The following MED27 variants were observed in gnomAD, a reference collection of about 807,000 sequenced individuals.
The protein encoded by MED27 is mediator of RNA polymerase II transcription subunit 27.
MED27 carries 30 observed loss-of-function variants against 38.2 expected under a neutral mutation model. The ratio of observed to expected loss-of-function variants is 0.79; its 90% CI spans 0.59 to 1.07. The LOEUF (loss-of-function observed/expected upper bound fraction) is 1.07, where lower values mean the gene tolerates loss of function less well. MED27 is among the 50% of genes least tolerant of loss of function. The pLI is 0.00. For synonymous variants in MED27, 122 were observed against 153.5 expected (o/e 0.79, Z 1.52); for missense variants, 289 against 397.5 (o/e 0.73, Z 2.32).
chr9:132,044,348 A>G (rs1833285193), intron 2 of MED27, among the ~76,000 whole-genome samples: 2 of 152,244 alleles, frequency 1.3e-5, no homozygotes, highest in South Asian at 4.1e-4. Flanking sequence ...GTGTTTGCTC[A>G]TTTATAAATG....
intron 2 of MED27, among the ~76,000 whole-genome samples, chr9:132,072,175 C>A (rs539786888): frequency 6.6e-6 from 1 of 152,180 alleles, no homozygotes; most frequent in Non-Finnish European, 1.5e-5. Context: ...TGTACTATCA[C>A]GATGCCTGGT....
intron 3 of MED27, among the ~76,000 whole-genome samples, chr9:131,965,819 C>T (rs896898266): frequency 3.3e-5 from 5 of 152,084 alleles, no homozygotes; most frequent in African/African-American, 1.2e-4. Context: ...AATGTTATTT[C>T]AAATTTTTGA....
At chr9:132,054,378 C>A (rs1833529847) in intron 2 of MED27, among the ~76,000 whole-genome samples, 1 of 152,236 alleles carries the variant, frequency 6.6e-6, no homozygotes, top group African/African-American at 2.4e-5. Flanking sequence ...CAGCAGATGT[C>A]CCGCCACGCT....
intron 4 of MED27, among the ~76,000 whole-genome samples, chr9:131,895,712 C>G (rs1454485909): frequency 1.3e-5 from 2 of 152,094 alleles, no homozygotes; most frequent in Admixed American, 6.5e-5. Context: ...ATTGTCACAC[C>G]ATGTAATGTT....
chr9:132,039,661 AGAGT>A (rs141288112), intron 2 of MED27, among the ~76,000 whole-genome samples: 2,359 of 152,282 alleles, frequency 0.015, 61 homozygotes, highest in African/African-American at 0.053. Flanking sequence ...ACTTCAAAGG[AGAGT>A]GAGTGAACAC....
chr9:132,012,385 G>A (rs1438487638), intron 3 of MED27, among the ~76,000 whole-genome samples: 1 of 152,170 alleles, frequency 6.6e-6, no homozygotes, highest in East Asian at 1.9e-4. Flanking sequence ...TCCCTGTAGT[G>A]ACCTTCTTTT....
chr9:131,871,272 G>A (rs537894768), intron 6 of MED27, among the ~76,000 whole-genome samples: 3 of 152,178 alleles, frequency 2.0e-5, no homozygotes, highest in Non-Finnish European at 2.9e-5. Flanking sequence ...ACAGGTTTAG[G>A]CCTAGCAAGA....
intron 2 of MED27, among the ~76,000 whole-genome samples, chr9:132,044,755 T>C (rs1425992931): frequency 3.3e-5 from 5 of 152,250 alleles, no homozygotes; most frequent in Non-Finnish European, 7.3e-5. Context: ...GCCAATCAAA[T>C]GAAGACACTC....
chr9:132,013,033 G>A (rs1200302627), intron 3 of MED27, among the ~76,000 whole-genome samples: 7 of 152,198 alleles, frequency 4.6e-5, no homozygotes, highest in Non-Finnish European at 4.4e-5. Context: ...AGGTACAAGG[G>A]GTGAGCAGGA....
chr9:131,917,456 A>G lies in MED27; in HGVS notation c.573+21925T>C, dbSNP rs1174546456. Among the ~76,000 whole-genome samples, 1 of 152,144 alleles carries G rather than the reference A, an allele frequency of 6.6e-6. No homozygotes were observed. The highest frequency in any genetic ancestry group is 1.9e-4 in the East Asian group (1 of 5,184). ...TCTGGAATGATGAGTCCAGTGTGGA[A>G]GATGAGGGGAGGCAGAGTGTTTCAA... On this transcript the variant is annotated intron_variant, in intron 4 of 7. Transcript: ENST00000292035. This position sits in a 1 kb window ranked among gnomAD's most constrained non-coding sequence, Gnocchi z 4.6.
intron 3 of MED27, among the ~76,000 whole-genome samples, chr9:131,959,821 G>T (rs548823275): frequency 1.2e-3 from 187 of 152,222 alleles, no homozygotes; most frequent in African/African-American, 4.4e-3. Flanking sequence ...TATAACAGCA[G>T]AACAATTCCA....
chr9:131,994,733 A>AAT (rs369065129), intron 3 of MED27, among the ~76,000 whole-genome samples: 3 of 152,326 alleles, frequency 2.0e-5, no homozygotes, highest in Non-Finnish European at 4.4e-5. Context: ...TGAAATAGAC[A>AAT]ATATACACTT....
In MED27 at chr9:132,027,734, T is replaced by C. The variant is rs183507714; in HGVS notation, c.349-13267A>G. Among the ~76,000 whole-genome samples the C allele has an allele frequency of 7.2e-5, 11 of 152,382 alleles. No individual in the cohort carries two copies. In the East Asian group the frequency reaches 1.5e-3, roughly 21 times the overall value. On this transcript the variant is annotated intron_variant, in intron 2 of 7. Transcript: ENST00000292035. ...TTATCTCACTTAGTGTGAATAGTCA[T>C]ACATTTTGCTGCACAAAATTTGATT...
At chr9:131,899,296 G>C (rs1335271483) in intron 4 of MED27, among the ~76,000 whole-genome samples, 1 of 152,238 alleles carries the variant, frequency 6.6e-6, no homozygotes, top group African/African-American at 2.4e-5. Context: ...AGGAAGCTGA[G>C]AGGGGGTGAC....
chr9:131,916,503 A>G (rs1363317780), intron 4 of MED27, among the ~76,000 whole-genome samples: 1 of 152,228 alleles, frequency 6.6e-6, no homozygotes, highest in African/African-American at 2.4e-5. Flanking sequence ...TCCATTTGGT[A>G]AAATACAAAC....
intron 2 of MED27, among the ~76,000 whole-genome samples, chr9:132,076,401 T>C (rs534454613): frequency 6.6e-6 from 1 of 152,122 alleles, no homozygotes; most frequent in Non-Finnish European, 1.5e-5. Flanking sequence ...ATAAATCACC[T>C]TCCTGAATCA....
At chr9:131,891,168 CTT>C (rs997696594) in intron 5 of MED27, among the ~76,000 whole-genome samples, 2 of 152,180 alleles carry the variant, frequency 1.3e-5, no homozygotes, top group Admixed American at 1.3e-4. Context: ...AAGAGTAAAA[CTT>C]TGTCAGCTGG....
chr9:132,055,083 G>A (rs1283761405), intron 2 of MED27, among the ~76,000 whole-genome samples: 27 of 152,110 alleles, frequency 1.8e-4, no homozygotes, highest in Admixed American at 1.8e-3. Flanking sequence ...CCCCCTCACT[G>A]CCCTGGAAGC....
At chr9:131,949,753 G>A (rs762314471) in intron 3 of MED27, among the ~76,000 whole-genome samples, 7 of 152,174 alleles carry the variant, frequency 4.6e-5, no homozygotes, top group Non-Finnish European at 1.0e-4. Flanking sequence ...ATGCAGTGAT[G>A]ACTAAGGCAG....
Sources: gnomAD v4.1 joint callset for allele counts (sites outside exome capture counted in the v4.1 genomes callset) on GRCh38, gnomAD v4.1.1 for gene constraint, Gnocchi (gnomAD v3.1) non-coding constraint, MANE v1.5 for transcripts, NCBI Gene and HGNC (gene_info 2026-07-23, HGNC 2026-07-21) for gene names.